EZR: variants seen among roughly 807,000 people sequenced by gnomAD.
EZR encodes the protein ezrin, also known as cytovillin 2.
In EZR, 40 loss-of-function variants were observed where a neutral mutation model predicts 74.8. The ratio of observed to expected loss-of-function variants is 0.53; its 90% CI spans 0.42 to 0.70. The LOEUF is 0.70. Ranked by LOEUF, EZR falls within the 30% of genes least tolerant of loss-of-function variation. The pLI, the probability that EZR is intolerant of heterozygous loss-of-function variation, is 0.00. For missense variants in EZR, 678 were observed against 755.8 expected, an observed-to-expected ratio of 0.90 and a Z score of 1.21; for synonymous variants, 341 against 283.3, an observed-to-expected ratio of 1.20 and a Z score of -2.05.
chr6:158,773,941 A>G (rs1208669333), intron 8 of EZR, among the ~76,000 whole-genome samples: 1 of 152,190 alleles, frequency 6.6e-6, no homozygotes, highest in Non-Finnish European at 1.5e-5. Flanking sequence ...CCATCTAAAG[A>G]GCCAAAGTGT....
chr6:158,805,890 T>G (rs143646199), intron 2 of EZR, among the ~76,000 whole-genome samples: 4,989 of 152,264 alleles, frequency 0.033, 114 homozygotes, highest in Middle Eastern at 0.078. Context: ...AGCCCCAGTA[T>G]GTAGATTGAT....
chr6:158,804,766 A>ATT (rs58552998), intron 2 of EZR, among the ~76,000 whole-genome samples: 61 of 139,418 alleles, frequency 4.4e-4, no homozygotes, highest in Middle Eastern at 3.6e-3. Flanking sequence ...TTTTTTTCTT[A>ATT]TTTTTTTTTA....
chr6:158,800,304 G>A (rs779982746), intron 2 of EZR, among the ~76,000 whole-genome samples: 2 of 152,134 alleles, frequency 1.3e-5, no homozygotes, highest in Non-Finnish European at 2.9e-5. Context: ...CAACACCACT[G>A]GTCAGGGCTC....
intron 6 of EZR, among the ~76,000 whole-genome samples, 189 bp from the exon 7 acceptor site, chr6:158,783,855 G>A (rs2128569791): frequency 6.6e-6 from 1 of 152,338 alleles, no homozygotes; most frequent in South Asian, 2.1e-4. Flanking sequence ...CAGAAGCTAT[G>A]CCTGGGGTGG....
chr6:158,770,962 T>TCA (rs1325246933), intron 9 of EZR, 68 bp from the exon 10 acceptor site: 4 of 1,606,482 alleles, frequency 2.5e-6, no homozygotes, highest in Non-Finnish European at 3.4e-6. Flanking sequence ...TCAACACACT[T>TCA]CACGGGTACT....
intron 2 of EZR, among the ~76,000 whole-genome samples, chr6:158,796,298 G>T (rs539680730): frequency 6.6e-6 from 1 of 152,362 alleles, no homozygotes; most frequent in South Asian, 2.1e-4. Context: ...CATGCAAGGT[G>T]TTAAACCCCA....
At position 158,798,622 on chromosome 6, in the gene EZR, C is replaced by CTGTTTT. The variant is rs1554274399; in HGVS notation, c.13-9252_13-9251insAAAACA. 2.5e-5 allele frequency among the ~76,000 whole-genome samples: 3 copies of CTGTTTT among 122,204 alleles called. 1 individual carries two copies. Among genetic ancestry groups the CTGTTTT allele is most frequent in the Non-Finnish European group, 1.7e-5 (1 of 60,530 alleles). 80.2% of individuals were successfully genotyped at this position (122,204 alleles called of 152,430 possible). ...AAAAGGGACTTAGTTTGCTGCTCCG[C>CTGTTTT]TTTTTTTTTTTTTTTTTTTTTTTTT... On this transcript the variant is annotated intron_variant, in intron 2 of 13. Transcript: ENST00000367075.
chr6:158,808,528 G>A (rs562381401), intron 2 of EZR, among the ~76,000 whole-genome samples: 1 of 152,310 alleles, frequency 6.6e-6, no homozygotes, highest in Non-Finnish European at 1.5e-5. Context: ...TGACCATCAC[G>A]AGCTAGTAAA....
chr6:158,779,673 C>A (rs1473303199), intron 7 of EZR, among the ~76,000 whole-genome samples: 1 of 152,126 alleles, frequency 6.6e-6, no homozygotes, highest in Non-Finnish European at 1.5e-5. Context: ...AAGTGATCCT[C>A]CCACCTCAGC....
chr6:158,816,123 T>C (rs1777548097), intron 2 of EZR, among the ~76,000 whole-genome samples: 1 of 152,142 alleles, frequency 6.6e-6, no homozygotes, highest in African/African-American at 2.4e-5. Context: ...TCTAAAGTTG[T>C]CGAATTCATA....
At chr6:158,807,041 A>G (rs1476408004) in intron 2 of EZR, among the ~76,000 whole-genome samples, 2 of 152,202 alleles carry the variant, frequency 1.3e-5, no homozygotes, top group Non-Finnish European at 2.9e-5. Context: ...GGCCAGGCGC[A>G]GTGGCTCACG....
chr6:158,790,025 G>A (rs1428313796), intron 2 of EZR, among the ~76,000 whole-genome samples: 3 of 152,172 alleles, frequency 2.0e-5, no homozygotes, highest in Admixed American at 6.5e-5. Context: ...GGGCTCCCAA[G>A]GCACCAAGGA....
chr6:158,792,270 G>A (rs1425463458), intron 2 of EZR, among the ~76,000 whole-genome samples: 1 of 114,272 alleles, frequency 8.8e-6, no homozygotes, highest in Non-Finnish European at 2.1e-5. Context: ...TTGGAGTGCA[G>A]TGGCATCATC....
chr6:158,778,053 A>G (rs1362920898), intron 7 of EZR, among the ~76,000 whole-genome samples: 1 of 152,222 alleles, frequency 6.6e-6, no homozygotes, highest in Non-Finnish European at 1.5e-5. Context: ...ACTTCAGCCT[A>G]TGTCCTCCTT....
At chr6:158,778,531 A>G (rs1296940281) in intron 7 of EZR, among the ~76,000 whole-genome samples, 1 of 152,248 alleles carries the variant, frequency 6.6e-6, no homozygotes, top group African/African-American at 2.4e-5. Flanking sequence ...GAGATCACAT[A>G]TAGGACATGA....
intron 6 of EZR, 140 bp from the exon 7 acceptor site, chr6:158,783,806 G>T: frequency 1.1e-6 from 1 of 895,496 alleles, no homozygotes; most frequent in Non-Finnish European, 1.7e-6. Flanking sequence ...GCAGGCAGGG[G>T]CCGGGCAGCC....
intron 2 of EZR, among the ~76,000 whole-genome samples, chr6:158,803,579 A>G (rs1777250105): frequency 2.1e-5 from 1 of 48,146 alleles, no homozygotes; most frequent in African/African-American, 1.4e-4. Flanking sequence ...ATATATATAT[A>G]TACATATATA....
rs1777310376 is a variant in EZR at position 158,805,312 on chromosome 6, C to T, written c.12+12770G>A. Among the ~76,000 whole-genome samples, 3 of 141,290 alleles carry T rather than the reference C, an allele frequency of 2.1e-5. 1 individual carries two copies. In the South Asian group the frequency reaches 6.6e-4, roughly 31 times the overall value. The allele number at this position is 141,290 out of a possible 152,430, so 92.7% of individuals were successfully genotyped here. On this transcript the variant is annotated intron_variant, in intron 2 of 13. Transcript: ENST00000367075. ...CTACATGGCGCCACTGCACTCCCAG[C>T]CTGGTGACAGAGACTCCATCTCAGG...
In EZR at chr6:158,775,035, T is replaced by C. The variant is rs937676762; in HGVS notation, c.795+1373A>G. Among the ~76,000 whole-genome samples, 11 of 19,088 alleles carry C rather than the reference T, an allele frequency of 5.8e-4. No individual in the cohort carries two copies. The East Asian group carries it at 7.0e-3, about 12-fold the overall frequency. 12.5% of individuals were successfully genotyped at this position (19,088 alleles called of 152,430 possible). ...AAGAGTTTGCAAACAGCAGGAGCCC[T>C]TTTTTTTTTTTTTTTTTGAGACGGA... On this transcript the variant is annotated intron_variant, in intron 8 of 13. Coordinates refer to ENST00000367075, the MANE Select transcript of EZR (RefSeq NM_001111077.2).
Sources: allele counts gnomAD v4.1 joint callset (sites outside exome capture counted in the v4.1 genomes callset), GRCh38; gene constraint gnomAD v4.1.1; transcripts MANE v1.5; gene names NCBI Gene and HGNC (gene_info 2026-07-23, HGNC 2026-07-21).